The following PRTG variants were observed in gnomAD, a reference collection of about 807,000 sequenced individuals.
PRTG encodes protogenin, also known as immunoglobulin superfamily, DCC subclass, member 5.
In PRTG, 67 loss-of-function variants were observed where a neutral mutation model predicts 122.5. The ratio of observed to expected loss-of-function variants is 0.55; its 90% CI spans 0.45 to 0.67. The LOEUF (loss-of-function observed/expected upper bound fraction) is 0.67. Among genes scored for constraint, PRTG ranks in the 30% least tolerant of loss-of-function variants. The pLI, the probability that PRTG is intolerant of heterozygous loss-of-function variation, is 0.00. For missense variants in PRTG, 1,435 were observed against 1,415.4 expected (o/e 1.01, Z -0.22); for synonymous variants, 554 against 501.1 (o/e 1.11, Z -1.41).
chr15:55,723,865 C>A (rs1383744806), intron 2 of PRTG, among the ~76,000 whole-genome samples: 2 of 150,792 alleles, frequency 1.3e-5, no homozygotes, highest in African/African-American at 4.9e-5. Context: ...GATTCTCCTG[C>A]CTCAGCCTCC....
At chr15:55,630,680 C>T (rs1418639787) in intron 15 of PRTG, among the ~76,000 whole-genome samples, 2 of 152,284 alleles carry the variant, frequency 1.3e-5, no homozygotes, top group East Asian at 3.9e-4. Flanking sequence ...AGGTGTCTTT[C>T]TGTCCTTGTT....
intron 11 of PRTG, among the ~76,000 whole-genome samples, chr15:55,671,566 T>C (rs113330393): frequency 0.067 from 10,132 of 152,248 alleles, 476 homozygotes; most frequent in Non-Finnish European, 0.1. Context: ...GCGATCTTCC[T>C]TGGCTCACTG....
At chr15:55,682,858 G>A (rs994664456) in intron 3 of PRTG, among the ~76,000 whole-genome samples, 3 of 152,006 alleles carry the variant, frequency 2.0e-5, no homozygotes, top group African/African-American at 2.4e-5. Context: ...CCACCGTGCC[G>A]GGCTTAGACT....
intron 11 of PRTG, among the ~76,000 whole-genome samples, chr15:55,650,919 A>T (rs1032241421): frequency 1.3e-5 from 2 of 152,134 alleles, no homozygotes; most frequent in Admixed American, 6.5e-5. Context: ...GTGAGCTGTG[A>T]TCCCACCACT....
At chr15:55,640,997 G>A (rs2059286983) in intron 12 of PRTG, 116 bp downstream of exon 12, 1 of 728,906 alleles carries the variant, frequency 1.4e-6, no homozygotes, top group Non-Finnish European at 2.4e-6. Context: ...CAGCACAGAG[G>A]ATAGAAATTA....
At chr15:55,654,244 A>G (rs1168451202) in intron 11 of PRTG, among the ~76,000 whole-genome samples, 1 of 152,226 alleles carries the variant, frequency 6.6e-6, no homozygotes, top group African/African-American at 2.4e-5. Context: ...GTGAGGGTTG[A>G]TATCTCCTTT....
At chr15:55,680,278 C>A (rs1233684408) in intron 5 of PRTG, 66 bp from the exon 6 acceptor site, 1 of 1,309,838 alleles carries the variant, frequency 7.6e-7, no homozygotes, top group East Asian at 2.4e-5. Context: ...GTCAAAAGAC[C>A]ACTATCCAAG....
At chr15:55,728,963 T>C (rs964428894) in intron 2 of PRTG, among the ~76,000 whole-genome samples, 4 of 152,236 alleles carry the variant, frequency 2.6e-5, no homozygotes, top group South Asian at 4.1e-4. Context: ...AATAAAGTAA[T>C]TGAAAAGGAA....
intron 11 of PRTG, among the ~76,000 whole-genome samples, chr15:55,647,468 G>A (rs2059330461): frequency 6.6e-6 from 1 of 152,162 alleles, no homozygotes; most frequent in Non-Finnish European, 1.5e-5. Flanking sequence ...TATTCTATCT[G>A]TAGGTATTAT....
At position 55,637,305 on chromosome 15, in the gene PRTG, A is replaced by T; in HGVS notation, c.2488T>A (p.Leu830Ile). ...ACCAGGGCAGTGTCATCCTCTATTAATGTCACTTTTACTCCAACTGGTGGG... is the reference window on the plus strand; with the variant it reads ...ACCAGGGCAGTGTCATCCTCTATTATTGTCACTTTTACTCCAACTGGTGGG... ...AGPPVGVKVT[L>I]IEDDTALVSW... Residue 830 changes from leucine (L) to isoleucine (I), a missense_variant, in exon 15 of 20, where the codon TTA becomes ATA. By Grantham distance (5) the Leu-to-Ile change is conservative (BLOSUM62 2). Coordinates refer to ENST00000389286, the MANE Select transcript of PRTG (RefSeq NM_173814.6). 1.9e-6 allele frequency: 3 copies of T among 1,613,612 alleles called. No homozygotes were observed. The highest frequency in any genetic ancestry group is 2.5e-6 in the Non-Finnish European group (3 of 1,179,858).
chr15:55,657,743 C>A (rs1231549872), intron 11 of PRTG, among the ~76,000 whole-genome samples: 1 of 152,136 alleles, frequency 6.6e-6, no homozygotes, highest in Non-Finnish European at 1.5e-5. Context: ...TAGTAGAAGA[C>A]CATATGGCAT....
Position 55,627,112 on chromosome 15 carries a change from G to A in PRTG, c.2823C>T (p.Tyr941=). ...SADAKVYSGY[Y]HLDQKSMTGI... ...CAGTCATTGATTTTTGGTCCAGATG[G>A]TAATATCCTGAATAAACTAGAAGGG... Residue 941 remains tyrosine, a synonymous_variant, in exon 17 of 20, where the codon TAC becomes TAT. Coordinates refer to ENST00000389286, the MANE Select transcript of PRTG (RefSeq NM_173814.6). The A allele has an allele frequency of 1.3e-6, 2 of 1,598,658 alleles. No homozygotes were observed. Among genetic ancestry groups the A allele is most frequent in the Non-Finnish European group, 8.6e-7 (1 of 1,167,814 alleles).
chr15:55,651,001 C>G (rs76917877), intron 11 of PRTG, among the ~76,000 whole-genome samples: 11,905 of 152,100 alleles, frequency 0.078, 536 homozygotes, highest in Non-Finnish European at 0.11. Flanking sequence ...GTCAAAGTTT[C>G]CAGCTCAGGT....
chr15:55,728,163 G>A (rs1267889267), intron 2 of PRTG, among the ~76,000 whole-genome samples: 1 of 152,050 alleles, frequency 6.6e-6, no homozygotes, highest in African/African-American at 2.4e-5. Flanking sequence ...ACTGTGCCTG[G>A]CCTCCACAAA....
intron 15 of PRTG, 54 bp from the exon 16 acceptor site, chr15:55,629,058 T>C: frequency 7.8e-7 from 1 of 1,273,972 alleles, no homozygotes; most frequent in Non-Finnish European, 1.1e-6. Context: ...ATTCTTTCAC[T>C]CATATTATAC....
intron 2 of PRTG, among the ~76,000 whole-genome samples, chr15:55,684,171 C>G (rs913015410): frequency 6.6e-6 from 1 of 152,142 alleles, no homozygotes; most frequent in Non-Finnish European, 1.5e-5. Context: ...AGAAATTTAT[C>G]TATTTGGAGA....
At chr15:55,636,272 A>C (rs973402948) in intron 15 of PRTG, among the ~76,000 whole-genome samples, 1 of 152,150 alleles carries the variant, frequency 6.6e-6, no homozygotes, top group Non-Finnish European at 1.5e-5. Context: ...CCTGTATTTA[A>C]GAGGACTCTA....
At chr15:55,624,265 TG>T (rs1346954989) in intron 18 of PRTG, 76 bp downstream of exon 18, 47 of 1,299,140 alleles carry the variant, frequency 3.6e-5, no homozygotes, top group Non-Finnish European at 4.9e-5. Flanking sequence ...CATACAATTT[TG>T]GGGGAAGTAC....
chr15:55,643,997 T>C (rs2059306983), intron 11 of PRTG, among the ~76,000 whole-genome samples: 1 of 152,092 alleles, frequency 6.6e-6, no homozygotes, highest in Non-Finnish European at 1.5e-5. Context: ...CCCAAGTAGC[T>C]GGGACTGCAG....
Sources: gnomAD v4.1 joint callset for allele counts (sites outside exome capture counted in the v4.1 genomes callset) on GRCh38, gnomAD v4.1.1 for gene constraint, MANE v1.5 for transcripts, NCBI Gene and HGNC (gene_info 2026-07-23, HGNC 2026-07-21) for gene names.